Variants in CALCOCO2 observed in about 807,000 individuals in gnomAD.
CALCOCO2 encodes calcium-binding and coiled-coil domain-containing protein 2.
In CALCOCO2, 42 loss-of-function variants were observed where a neutral mutation model predicts 62.5. The ratio of observed to expected loss-of-function variants is 0.67; its 90% confidence interval spans 0.53 to 0.87. The LOEUF is 0.87. Ranked by LOEUF, CALCOCO2 falls within the 40% of genes least tolerant of loss-of-function variation. CALCOCO2 has a pLI of 0.00. For synonymous variants in CALCOCO2, 167 were observed against 173.0 expected (o/e 0.97, Z 0.27); for missense variants, 456 against 515.0 (o/e 0.89, Z 1.11).
chr17:48,852,757 G>T, intron 8 of CALCOCO2, 129 bp downstream of exon 8: 1 of 1,020,246 alleles, frequency 9.8e-7, no homozygotes, highest in Non-Finnish European at 1.5e-6. Context: ...GGGCTCAGAG[G>T]AAGCTATCTG....
chr17:48,858,056 G>GAATAGAATAC, intron 10 of CALCOCO2, among the ~76,000 whole-genome samples: 1 of 138,708 alleles, frequency 7.2e-6, no homozygotes, highest in East Asian at 2.1e-4. Flanking sequence ...AAATAGAATA[G>GAATAGAATAC]AATAGAATAG....
At chr17:48,843,173 C>CA (rs1307856203) in intron 2 of CALCOCO2, among the ~76,000 whole-genome samples, 1 of 152,166 alleles carries the variant, frequency 6.6e-6, no homozygotes, top group Non-Finnish European at 1.5e-5. Context: ...TGACCTCTTC[C>CA]AGTGTCTGAT....
intron 1 of CALCOCO2, among the ~76,000 whole-genome samples, chr17:48,832,325 C>A (rs1439606890): frequency 6.6e-6 from 1 of 152,136 alleles, no homozygotes; most frequent in South Asian, 2.1e-4. Context: ...ACCCAGACAG[C>A]GGAGGGTGCG....
At chr17:48,845,831 A>G (rs2040045682) in intron 2 of CALCOCO2, among the ~76,000 whole-genome samples, 1 of 152,046 alleles carries the variant, frequency 6.6e-6, no homozygotes, top group Admixed American at 6.6e-5. Flanking sequence ...AGTAACATGA[A>G]TATCCCTGAG....
At chr17:48,855,952 T>A (rs2040208820) in intron 9 of CALCOCO2, 140 bp from the exon 10 acceptor site, 1 of 409,036 alleles carries the variant, frequency 2.4e-6, no homozygotes, top group Admixed American at 3.8e-5. Context: ...ACCCTGCCCA[T>A]AGTACCATTT....
chr17:48,860,479 G>A, intron 11 of CALCOCO2, 30 bp downstream of exon 11: 1 of 1,607,064 alleles, frequency 6.2e-7, no homozygotes, highest in Non-Finnish European at 8.5e-7. Flanking sequence ...CCAACTGGAA[G>A]GACCCTGCCT....
At chr17:48,854,942 A>G (rs2040191866) in intron 9 of CALCOCO2, among the ~76,000 whole-genome samples, 1 of 152,166 alleles carries the variant, frequency 6.6e-6, no homozygotes, top group South Asian at 2.1e-4. Flanking sequence ...TTAGAGAAGT[A>G]CAAAGAGTGT....
At chr17:48,854,378 T>TTTTA (rs1489635512) in intron 9 of CALCOCO2, among the ~76,000 whole-genome samples, 23 of 12,156 alleles carry the variant, frequency 1.9e-3, no homozygotes, top group South Asian at 0.01. Flanking sequence ...TGGTTTTCTT[T>TTTTA]TATTTATATA....
intron 1 of CALCOCO2, among the ~76,000 whole-genome samples, chr17:48,840,858 A>G (rs2039966728): frequency 6.6e-6 from 1 of 152,234 alleles, no homozygotes; most frequent in African/African-American, 2.4e-5. Context: ...AACAGTAATA[A>G]CTATATAACT....
chr17:48,849,169 C>A, intron 4 of CALCOCO2, 83 bp from the exon 5 acceptor site: 1 of 1,342,076 alleles, frequency 7.5e-7, no homozygotes, highest in Non-Finnish European at 1.1e-6. Flanking sequence ...GAATGGGAAT[C>A]AGCCAGTCCC....
intron 5 of CALCOCO2, 119 bp from the exon 6 acceptor site, chr17:48,850,970 C>A: frequency 1.6e-6 from 1 of 622,082 alleles, no homozygotes; most frequent in Non-Finnish European, 2.9e-6. Flanking sequence ...TCATTTACTG[C>A]TGTGTCATGC....
At position 48,850,614 on chromosome 17, in the gene CALCOCO2, G is replaced by T. The variant is rs564916198; in HGVS notation, c.544-475G>T. ...ACAGCGCTGTTCTAGGAAAAGGGCAGTTCTGTCTATTTTGTCCACTGTTGT... is the reference window on the plus strand; with the variant it reads ...ACAGCGCTGTTCTAGGAAAAGGGCATTTCTGTCTATTTTGTCCACTGTTGT... On this transcript the variant is annotated intron_variant, in intron 5 of 12. Coordinates refer to ENST00000258947, the MANE Select transcript of CALCOCO2 (RefSeq NM_005831.5). Among the ~76,000 whole-genome samples, 49 of 152,294 alleles carry T rather than the reference G, an allele frequency of 3.2e-4. No individual in the cohort carries two copies. The East Asian group carries it at 9.3e-3, about 29-fold the overall frequency.
intron 2 of CALCOCO2, among the ~76,000 whole-genome samples, chr17:48,844,604 C>T (rs930622466): frequency 6.6e-6 from 1 of 151,908 alleles, no homozygotes; most frequent in Non-Finnish European, 1.5e-5. Context: ...ACAGGCACCC[C>T]GCCTCCCCAG....
At chr17:48,835,795 G>A (rs1293837675) in intron 1 of CALCOCO2, among the ~76,000 whole-genome samples, 2 of 151,060 alleles carry the variant, frequency 1.3e-5, no homozygotes, top group Non-Finnish European at 2.9e-5. Context: ...TGTTGCCCAG[G>A]CTGGAGTGCA....
intron 9 of CALCOCO2, chr17:48,855,889 T>A: frequency 2.2e-5 from 6 of 276,814 alleles, no homozygotes; most frequent in Admixed American, 5.1e-5. Flanking sequence ...AAAATTGGCA[T>A]CTTGATGCCA....
chr17:48,858,046 A>ATAGAATATAGAATAGAATAG, intron 10 of CALCOCO2, among the ~76,000 whole-genome samples: 1 of 40,038 alleles, frequency 2.5e-5, no homozygotes, highest in Non-Finnish European at 4.9e-5. Context: ...ATAGAATAGA[A>ATAGAATATAGAATAGAATAG]AATAGAATAG....
Position 48,862,837 on chromosome 17 carries a change from G to A in CALCOCO2, c.1174-1G>A. Reference sequence around the variant, plus strand: ...ACTGACCTCTTTGCTCTTCCTCCCAGCTCTCCATCAAGAAATGCCCTATCT... The same window carrying A: ...ACTGACCTCTTTGCTCTTCCTCCCAACTCTCCATCAAGAAATGCCCTATCT... On this transcript the variant is annotated splice_acceptor_variant, in intron 12 of 12. Coordinates refer to ENST00000258947, the MANE Select transcript of CALCOCO2 (RefSeq NM_005831.5). LOFTEE classifies it high-confidence loss of function. 1 of 1,613,866 alleles carries A rather than the reference G, an allele frequency of 6.2e-7. No individual in the cohort carries two copies. The highest frequency in any genetic ancestry group is 8.5e-7 in the Non-Finnish European group (1 of 1,179,816).
In CALCOCO2 at chr17:48,848,141, T is replaced by C; in HGVS notation, c.258T>C (p.Ala86=). 1 of 1,612,532 alleles carries C rather than the reference T, an allele frequency of 6.2e-7. No individual in the cohort carries two copies. Among genetic ancestry groups the C allele is most frequent in the Non-Finnish European group, 8.5e-7 (1 of 1,178,604 alleles). Residue 86 remains alanine (A), a synonymous_variant, in exon 3 of 13, where the codon GCT becomes GCC. Transcript: ENST00000258947. ...CCATTGACCTAAACAACAAATCAGC[T>C]AAACAGCAGGAAGTCCAATTCAAAG... is the stretch of plus-strand genomic sequence containing the variant. ...TLPIDLNNKS[A]KQQEVQFKAY... is the part of the protein sequence containing the mutation.
At position 48,852,965 on chromosome 17, in the gene CALCOCO2, A is replaced by C. The variant is rs1160814626; in HGVS notation, c.865A>C (p.Met289Leu). 1 of 1,613,738 alleles carries C rather than the reference A, an allele frequency of 6.2e-7. No individual in the cohort carries two copies. Among genetic ancestry groups the C allele is most frequent in the Admixed American group, 1.7e-5 (1 of 59,996 alleles). ...GAAGCTCGAGCAGACAGTGGAGCAAATGAAGCAGAATGAAACTACTGCAAT... is the reference window on the plus strand; with the variant it reads ...GAAGCTCGAGCAGACAGTGGAGCAACTGAAGCAGAATGAAACTACTGCAAT... Reference protein sequence around the residue: ...QKKLEQTVEQMKQNETTAMKK... With the variant: ...QKKLEQTVEQLKQNETTAMKK... The change falls in exon 9 of 13, where the codon ATG (methionine) becomes CTG (leucine). Residue 289 changes from methionine (M) to leucine (L), a missense_variant. This residue lies in a region of CALCOCO2 where 172 missense variants were observed against 210.3 expected (regional missense o/e 0.82). Transcript: ENST00000258947.
Sources: gnomAD v4.1 joint callset for allele counts (sites outside exome capture counted in the v4.1 genomes callset) on GRCh38, gnomAD v4.1.1 for gene constraint, gnomAD v4.1.1 regional missense constraint, MANE v1.5 for transcripts, NCBI Gene and HGNC (gene_info 2026-07-23, HGNC 2026-07-21) for gene names.